TP53I11: variants seen among roughly 807,000 people sequenced by gnomAD.
The protein encoded by TP53I11 is tumor protein p53-inducible protein 11.
A neutral mutation model predicts 23.3 loss-of-function variants in TP53I11; 9 were observed. That is an observed-to-expected ratio of 0.39 (90% confidence interval 0.23 to 0.67). The LOEUF (loss-of-function observed/expected upper bound fraction) is 0.67. Ranked by LOEUF, TP53I11 falls within the 30% of genes least tolerant of loss-of-function variation. TP53I11 has a pLI of 0.48. For synonymous variants in TP53I11, 100 were observed against 106.1 expected (o/e 0.94, Z 0.35); for missense variants, 170 against 255.2 (o/e 0.67, Z 2.27).
At chr11:44,935,133 G>A in intron 6 of TP53I11, 116 bp from the exon 7 acceptor site, 1 of 1,483,558 alleles carries the variant, frequency 6.7e-7, no homozygotes, top group Non-Finnish European at 9.2e-7. Context: ...CTGAGCCCAG[G>A]ATCCTCCCAG....
At chr11:44,938,935 G>T (rs865931796) in intron 1 of TP53I11, among the ~76,000 whole-genome samples, 1 of 152,260 alleles carries the variant, frequency 6.6e-6, no homozygotes, top group Middle Eastern at 3.4e-3. Flanking sequence ...AGCCAGAGAA[G>T]GCTGCCAGGG....
Position 44,936,493 on chromosome 11 carries a change from T to G in TP53I11, c.334+310A>C, listed in dbSNP as rs75035648. On this transcript the variant is annotated intron_variant, in intron 5 of 6. Coordinates refer to ENST00000525680, the MANE Select transcript of TP53I11 (RefSeq NM_006034.5). This position sits in a 1 kb window ranked among gnomAD's most constrained non-coding sequence, Gnocchi z 4.4. ...ATCTGCCTCTCCTCTAGGCTGTGAA[T>G]TCCTAGAGGCTGGGCCTGGGCTTCC... is the stretch of plus-strand genomic sequence containing the variant. 8,750 of 1,240,506 alleles carry G rather than the reference T, an allele frequency of 7.1e-3. 450 individuals carry two copies. In the African/African-American group the frequency reaches 0.12, roughly 16 times the overall value. 76.8% of individuals were successfully genotyped at this position (1,240,506 alleles called of 1,614,324 possible). A position where few individuals can be genotyped will look rare whatever the true frequency, so the allele number is the denominator to read the frequency against.
chr11:44,947,103 T>A, intron 1 of TP53I11: 1 of 456,174 alleles, frequency 2.2e-6, no homozygotes, highest in Non-Finnish European at 4.4e-6. Flanking sequence ...CCTGGGCTCC[T>A]CCCCCGGGGG....
rs988234216 is a variant in TP53I11 at position 44,938,115 on chromosome 11, C to A, written c.129+92G>T. The A allele has an allele frequency of 7.6e-6, 11 of 1,448,504 alleles. No individual in the cohort carries two copies. In the East Asian group the frequency reaches 2.3e-4, roughly 30 times the overall value. The allele number at this position is 1,448,504 out of a possible 1,614,324, so 89.7% of individuals were successfully genotyped here. On this transcript the variant is annotated intron_variant, in intron 2 of 6. Transcript: ENST00000525680. ...AATCAGCTAAGTCCTAGAACTCCTG[C>A]GGCTACCTGGGCCTGGGCTAACCTT...
At chr11:44,946,807 G>A (rs558654532) in intron 1 of TP53I11, among the ~76,000 whole-genome samples, 12 of 152,208 alleles carry the variant, frequency 7.9e-5, no homozygotes, top group Non-Finnish European at 1.3e-4. Flanking sequence ...GTGGTCTCTA[G>A]GGCCCCTCCC....
Position 44,932,746 on chromosome 11 carries a change from C to A in TP53I11, c.*2138G>T. Reference sequence around the variant, plus strand: ...CCTGCAGGCTCCACTACAATTAGCTCTAACCAAGCCACCCAGTATTTTGTG... The same window carrying A: ...CCTGCAGGCTCCACTACAATTAGCTATAACCAAGCCACCCAGTATTTTGTG... On this transcript the variant is annotated 3_prime_UTR_variant, in exon 7 of 7. Transcript: ENST00000525680. The A allele has an allele frequency of 6.6e-6, 1 of 152,496 alleles. No individual in the cohort carries two copies. 9.4% of individuals were successfully genotyped at this position (152,496 alleles called of 1,614,324 possible). A position where few individuals can be genotyped will look rare whatever the true frequency, so the allele number is the denominator to read the frequency against.
Position 44,936,632 on chromosome 11 carries a change from G to C in TP53I11, c.334+171C>G. The C allele has an allele frequency of 7.5e-7, 1 of 1,340,802 alleles. No individual in the cohort carries two copies. The highest frequency in any genetic ancestry group is 9.6e-7 in the Non-Finnish European group (1 of 1,045,902). 83.1% of individuals were successfully genotyped at this position (1,340,802 alleles called of 1,614,324 possible). A position where few individuals can be genotyped will look rare whatever the true frequency, so the allele number is the denominator to read the frequency against. On this transcript the variant is annotated intron_variant, in intron 5 of 6. Transcript: ENST00000525680. This position sits in a 1 kb window ranked among gnomAD's most constrained non-coding sequence, Gnocchi z 4.4. ...GGGTGTATTCCACCAATGGCCACAA[G>C]ATGGCAGCACATCCCCAGCAGAGAG...
intron 1 of TP53I11, among the ~76,000 whole-genome samples, chr11:44,938,754 G>C (rs1176158774): frequency 6.6e-6 from 1 of 152,132 alleles, no homozygotes; most frequent in African/African-American, 2.4e-5. Context: ...TTTAGAAAAG[G>C]GGAGGGTCTG....
rs900710997 is a variant in TP53I11, at chr11:44,933,001, AC to A, written c.*1882del. Reference sequence around the variant, plus strand: ...GGGATTGAGGCTTCGGCCTGAGGGCACTGCCCATTGGCGGCACCACCTGTGG... The same window carrying A: ...GGGATTGAGGCTTCGGCCTGAGGGCATGCCCATTGGCGGCACCACCTGTGG... On this transcript the variant is annotated 3_prime_UTR_variant, in exon 7 of 7. Transcript: ENST00000525680. The A allele has an allele frequency of 6.6e-6, 1 of 152,378 alleles. No homozygotes were observed. The highest frequency in any genetic ancestry group is 2.4e-5 in the African/African-American group (1 of 41,466). The allele number at this position is 152,378 out of a possible 1,614,324, so 9.4% of individuals were successfully genotyped here. A position where few individuals can be genotyped will look rare whatever the true frequency, so the allele number is the denominator to read the frequency against.
At chr11:44,937,015 G>A (rs971956926) in intron 4 of TP53I11, 116 bp from the exon 5 acceptor site, 2 of 817,598 alleles carry the variant, frequency 2.4e-6, no homozygotes, top group Non-Finnish European at 3.9e-6. Flanking sequence ...CATCCTTGGG[G>A]GCAGTCCAGG....
In TP53I11 at chr11:44,936,672, G is replaced by T. The variant is rs775870395; in HGVS notation, c.334+131C>A. ...CCAGCAGAGAGCTTCATCAGAGGCCGGGGTGTGGGCGCAGCATCTGGCCGA... is the reference window on the plus strand; with the variant it reads ...CCAGCAGAGAGCTTCATCAGAGGCCTGGGTGTGGGCGCAGCATCTGGCCGA... On this transcript the variant is annotated intron_variant, in intron 5 of 6. Transcript: ENST00000525680. The surrounding 1 kb of genome is among the most constrained non-coding windows in gnomAD (Gnocchi z 4.4). 10 of 1,369,216 alleles carry T rather than the reference G, an allele frequency of 7.3e-6. No individual in the cohort carries two copies. Among genetic ancestry groups the T allele is most frequent in the Non-Finnish European group, 8.5e-6 (9 of 1,058,460 alleles). 84.8% of individuals were successfully genotyped at this position (1,369,216 alleles called of 1,614,324 possible).
In TP53I11 at chr11:44,936,511, G is replaced by A. The variant is rs998204285; in HGVS notation, c.334+292C>T. The A allele has an allele frequency of 8.0e-7, 1 of 1,243,576 alleles. No individual in the cohort carries two copies. Among genetic ancestry groups the A allele is most frequent in the Non-Finnish European group, 1.0e-6 (1 of 994,494 alleles). 77.0% of individuals were successfully genotyped at this position (1,243,576 alleles called of 1,614,324 possible). On this transcript the variant is annotated intron_variant, in intron 5 of 6. Coordinates refer to ENST00000525680, the MANE Select transcript of TP53I11 (RefSeq NM_006034.5). This position sits in a 1 kb window ranked among gnomAD's most constrained non-coding sequence, Gnocchi z 4.4. ...CTGTGAATTCCTAGAGGCTGGGCCT[G>A]GGCTTCCTCCATCTCTGTACCACAA... is the stretch of plus-strand genomic sequence containing the variant.
chr11:44,935,996 G>A, intron 5 of TP53I11: 2 of 412,756 alleles, frequency 4.8e-6, no homozygotes, highest in Non-Finnish European at 8.8e-6. Context: ...CTGTCAGGAG[G>A]ATGCTGTGTT....
In TP53I11 at chr11:44,936,128, G is replaced by A. The variant is rs576985173; in HGVS notation, c.335-466C>T. 180 of 779,902 alleles carry A rather than the reference G, an allele frequency of 2.3e-4. 1 individual carries two copies. The African/African-American group carries it at 3.2e-3, about 14-fold the overall frequency. The allele number at this position is 779,902 out of a possible 1,614,324, so 48.3% of individuals were successfully genotyped here. On this transcript the variant is annotated intron_variant, in intron 5 of 6. Coordinates refer to ENST00000525680, the MANE Select transcript of TP53I11 (RefSeq NM_006034.5). The surrounding 1 kb of genome is among the most constrained non-coding windows in gnomAD (Gnocchi z 4.4). The stretch of plus-strand genomic sequence containing the variant: ...CTTTAAGGAAGTCCCCTGGGGGAGG[G>A]GGATGAACCATACTTTTTAGCAGAA...
chr11:44,937,208 G>A (rs757095014), intron 4 of TP53I11, 96 bp downstream of exon 4: 31 of 1,448,220 alleles, frequency 2.1e-5, no homozygotes, highest in Middle Eastern at 3.5e-4. Flanking sequence ...GCCCCTGCAC[G>A]AGGGGCCAGG....
chr11:44,946,049 G>C (rs938867259), intron 1 of TP53I11, among the ~76,000 whole-genome samples: 1 of 152,200 alleles, frequency 6.6e-6, no homozygotes, highest in Admixed American at 6.5e-5. Flanking sequence ...TACTAGGCTC[G>C]TGCCTTTGGG....
chr11:44,947,640 G>A (rs1257040975), intron 1 of TP53I11, among the ~76,000 whole-genome samples: 1 of 152,172 alleles, frequency 6.6e-6, no homozygotes. Flanking sequence ...CATAGTCCAG[G>A]ACTGAGTGTC....
At chr11:44,935,487 CCAGGTGGCTAGAGCAGG>C in intron 6 of TP53I11, 57 bp downstream of exon 6, 11 of 1,376,456 alleles carry the variant, frequency 8.0e-6, no homozygotes, top group Non-Finnish European at 1.1e-5. Flanking sequence ...TCCCACACAC[CCAGGTGGCTAGAGCAGG>C]CAGGTCAGGG....
At chr11:44,935,746 T>A in intron 5 of TP53I11, 84 bp from the exon 6 acceptor site, 1 of 930,596 alleles carries the variant, frequency 1.1e-6, no homozygotes, top group Non-Finnish European at 1.7e-6. Context: ...CTGCTTCCTC[T>A]GGCCACTGCT....
Sources: gnomAD v4.1 joint callset for allele counts (sites outside exome capture counted in the v4.1 genomes callset) on GRCh38, gnomAD v4.1.1 for gene constraint, Gnocchi (gnomAD v3.1) non-coding constraint, MANE v1.5 for transcripts, NCBI Gene and HGNC (gene_info 2026-07-23, HGNC 2026-07-21) for gene names.